The following BBS5 variants were observed in gnomAD, a reference collection of about 807,000 sequenced individuals.
The protein encoded by BBS5 is BBSome complex member BBS5.
BBS5 carries 39 observed loss-of-function variants against 50.2 expected under a neutral mutation model. The ratio of observed to expected loss-of-function variants is 0.78; its 90% CI spans 0.60 to 1.01. The LOEUF (loss-of-function observed/expected upper bound fraction) is 1.01, where lower values mean the gene tolerates loss of function less well. Ranked by LOEUF, BBS5 falls within the 50% of genes least tolerant of loss-of-function variation. The pLI, the probability that BBS5 is intolerant of heterozygous loss-of-function variation, is 0.00. For missense variants in BBS5, 356 were observed against 401.5 expected (o/e 0.89, Z 0.97); for synonymous variants, 134 against 133.1 (o/e 1.01, Z -0.05).
intron 7 of BBS5, among the ~76,000 whole-genome samples, chr2:169,496,444 C>T (rs1683692424): frequency 1.3e-5 from 2 of 152,140 alleles, no homozygotes. Context: ...ATTTTTAAAA[C>T]TTAGACTACA....
In BBS5 at chr2:169,487,810, CG is replaced by C. The variant is rs774438384; in HGVS notation, c.215del (p.Gly72ValfsTer6). On this transcript the variant is annotated frameshift_variant, in exon 4 of 12. Transcript: ENST00000295240. LOFTEE classifies it high-confidence loss of function. ...LALSRVNVSV[G>X]YNCILNITTR... Reference sequence around the variant, plus strand: ...TTCTTTGCTTTTGGATTTTAGCTGTCGGTTACAATTGCATATTGAATATTAC... The same window carrying C: ...TTCTTTGCTTTTGGATTTTAGCTGTCGTTACAATTGCATATTGAATATTAC... 1 of 1,606,252 alleles carries C rather than the reference CG, an allele frequency of 6.2e-7. No homozygotes were observed.
In BBS5 at chr2:169,503,102, C is replaced by T. The variant is rs376275481; in HGVS notation, c.824C>T (p.Pro275Leu). ...ACATCTGCTGATTTTCAGCCCCAGC[C>T]GCTCGAAGCTCTGACAGTCGAACAA... ...VDYEMEEKPQ[P>L]LEALTVEQIQ... The change falls in exon 10 of 12, where the codon CCG (proline) becomes CTG (leucine). Residue 275 changes from proline (P) to leucine (L), a missense_variant. Physicochemically the swap from Pro to Leu is moderately conservative, Grantham distance 98. Transcript: ENST00000295240. The T allele has an allele frequency of 1.5e-5, 25 of 1,612,918 alleles. No individual in the cohort carries two copies. In the African/African-American group the frequency reaches 2.7e-4, roughly 17 times the overall value.
At position 169,504,712 on chromosome 2, in the gene BBS5, A is replaced by G; in HGVS notation, c.*130A>G. 8.4e-7 allele frequency: 1 copy of G among 1,189,734 alleles called. No individual in the cohort carries two copies. The highest frequency in any genetic ancestry group is 1.6e-5 in the African/African-American group (1 of 64,464). The allele number at this position is 1,189,734 out of a possible 1,614,324, so 73.7% of individuals were successfully genotyped here. A position where few individuals can be genotyped will look rare whatever the true frequency, so the allele number is the denominator to read the frequency against. On this transcript the variant is annotated 3_prime_UTR_variant, in exon 12 of 12. Coordinates refer to ENST00000295240, the MANE Select transcript of BBS5 (RefSeq NM_152384.3). ...ATTTAAAACTTGTAAGAGTTTTTTTAATGATTGAGGAAAAAGTCATTTAGA... is the reference window on the plus strand; with the variant it reads ...ATTTAAAACTTGTAAGAGTTTTTTTGATGATTGAGGAAAAAGTCATTTAGA...
chr2:169,500,725 A>G (rs1434434899), intron 9 of BBS5, among the ~76,000 whole-genome samples: 2 of 152,108 alleles, frequency 1.3e-5, no homozygotes, highest in Non-Finnish European at 2.9e-5. Context: ...GTCGAATTCC[A>G]TATATTTCTC....
intron 1 of BBS5, among the ~76,000 whole-genome samples, chr2:169,481,163 A>G (rs976180888): frequency 1.6e-4 from 24 of 152,240 alleles, no homozygotes; most frequent in South Asian, 2.1e-4. Context: ...GACAACCACT[A>G]TAATAAATGT....
At chr2:169,489,851 CTTTTTTTTTTTTT>C (rs71003093) in intron 5 of BBS5, among the ~76,000 whole-genome samples, 219 of 65,578 alleles carry the variant, frequency 3.3e-3, no homozygotes, top group Middle Eastern at 9.1e-3. Flanking sequence ...CATAAATTTC[CTTTTTTTTTTTTT>C]TTTTTTTTTT....
At chr2:169,493,913 G>A in intron 7 of BBS5, 77 bp downstream of exon 7, 3 of 951,946 alleles carry the variant, frequency 3.2e-6, no homozygotes, top group Non-Finnish European at 3.3e-6. Flanking sequence ...TGGACTTTTA[G>A]ATGAGTTCTT....
At chr2:169,480,315 G>T (rs901752213) in intron 1 of BBS5, among the ~76,000 whole-genome samples, 1 of 152,176 alleles carries the variant, frequency 6.6e-6, no homozygotes, top group Non-Finnish European at 1.5e-5. Flanking sequence ...CAAAATCCAG[G>T]GCGGGAAATG....
Position 169,479,534 on chromosome 2 carries a change from T to C in BBS5, c.-20T>C. 1 of 1,614,098 alleles carries C rather than the reference T, an allele frequency of 6.2e-7. No individual in the cohort carries two copies. Among genetic ancestry groups the C allele is most frequent in the Non-Finnish European group, 8.5e-7 (1 of 1,179,938 alleles). ...GGCCTGCACGGCTGTGGAGAGATCC[T>C]GCCACGGGCCTTGTTCACCATGTCG... On this transcript the variant is annotated 5_prime_UTR_variant, in exon 1 of 12. Transcript: ENST00000295240.
chr2:169,500,036 T>A (rs553095892), intron 9 of BBS5, among the ~76,000 whole-genome samples: 136 of 152,328 alleles, frequency 8.9e-4, no homozygotes, highest in Middle Eastern at 3.4e-3. Flanking sequence ...GTAGGCTACA[T>A]CAGCACGGCC....
chr2:169,487,239 T>C (rs889528501), intron 3 of BBS5, 105 bp downstream of exon 3: 10 of 781,582 alleles, frequency 1.3e-5, no homozygotes, highest in Non-Finnish European at 2.2e-5. Flanking sequence ...TTAATAAAAA[T>C]AAAAAACCTT....
At chr2:169,497,001 A>C (rs1683706030) in intron 7 of BBS5, among the ~76,000 whole-genome samples, 1 of 152,078 alleles carries the variant, frequency 6.6e-6, no homozygotes, top group African/African-American at 2.4e-5. Context: ...CGGCTTACCA[A>C]AACTAAAAGA....
intron 4 of BBS5, 53 bp downstream of exon 4, chr2:169,487,908 T>G (rs986607668): frequency 2.8e-5 from 44 of 1,584,296 alleles, no homozygotes; most frequent in Non-Finnish European, 3.6e-5. Flanking sequence ...AACTAGATAT[T>G]TGAGATTGAT....
Position 169,503,122 on chromosome 2 carries a change from G to T in BBS5, c.844G>T (p.Glu282Ter). The part of the protein sequence containing the change: ...KPQPLEALTV[E>*]QIQDDVEIDS... ...CCAGCCGCTCGAAGCTCTGACAGTCGAACAAATTCAAGATGATGTAGAAAT... is the reference window on the plus strand; with the variant it reads ...CCAGCCGCTCGAAGCTCTGACAGTCTAACAAATTCAAGATGATGTAGAAAT... The change falls in exon 10 of 12, where the codon GAA becomes TAA. Residue 282 changes from glutamate to a stop codon, truncating the protein, a stop_gained. Coordinates refer to ENST00000295240, the MANE Select transcript of BBS5 (RefSeq NM_152384.3). LOFTEE classifies it high-confidence loss of function. 6.2e-7 allele frequency: 1 copy of T among 1,613,864 alleles called. No homozygotes were observed. Among genetic ancestry groups the T allele is most frequent in the South Asian group, 1.1e-5 (1 of 91,038 alleles).
At chr2:169,502,601 A>G (rs1574344358) in intron 9 of BBS5, among the ~76,000 whole-genome samples, 1 of 152,352 alleles carries the variant, frequency 6.6e-6, no homozygotes, top group South Asian at 2.1e-4. Flanking sequence ...TACTACTGGC[A>G]TAGTACCTAA....
intron 2 of BBS5, among the ~76,000 whole-genome samples, chr2:169,486,762 C>A (rs1341353304): frequency 2.0e-5 from 3 of 152,134 alleles, no homozygotes; most frequent in South Asian, 4.1e-4. Context: ...GGACCCAGAA[C>A]AACTTCTACC....
Position 169,499,600 on chromosome 2 carries a change from G to C in BBS5, c.796G>C (p.Asp266His). The change falls in exon 9 of 12, where the codon GAT (aspartate) becomes CAT (histidine). Residue 266 changes from aspartate (D) to histidine (H), a missense_variant. Transcript: ENST00000295240. Reference protein sequence around the residue: ...VYSASPIFGVDYEMEEKPQPL... With the variant: ...VYSASPIFGVHYEMEEKPQPL... ...TTCTGCCAGTCCCATATTTGGAGTT[G>C]ATTATGAGATGGAAGAAAAGGTAAT... 1 of 1,613,860 alleles carries C rather than the reference G, an allele frequency of 6.2e-7. No homozygotes were observed. The highest frequency in any genetic ancestry group is 8.5e-7 in the Non-Finnish European group (1 of 1,179,866).
chr2:169,488,980 G>A (rs893116198), intron 5 of BBS5, among the ~76,000 whole-genome samples: 7 of 151,994 alleles, frequency 4.6e-5, no homozygotes, highest in Non-Finnish European at 8.8e-5. Flanking sequence ...TTAGGTTTGT[G>A]GCCTTTTTTT....
At position 169,501,393 on chromosome 2, in the gene BBS5, A is replaced by G. The variant is rs114830312; in HGVS notation, c.817-1702A>G. ...ACTTTCAATCCCAGTTTCATCATTT[A>G]TTTGTGATCCTAGGCAAATCTGAGC... is the stretch of plus-strand genomic sequence containing the variant. On this transcript the variant is annotated intron_variant, in intron 9 of 11. Transcript: ENST00000295240. Among the ~76,000 whole-genome samples the G allele has an allele frequency of 8.7e-3, 1,328 of 152,220 alleles. 26 individuals carry two copies. The highest frequency in any genetic ancestry group is 0.03 in the African/African-American group (1,253 of 41,520).
Sources: allele counts gnomAD v4.1 joint callset (sites outside exome capture counted in the v4.1 genomes callset), GRCh38; gene constraint gnomAD v4.1.1; transcripts MANE v1.5; gene names NCBI Gene and HGNC (gene_info 2026-07-23, HGNC 2026-07-21).